Variants in ANTXR2 observed in about 807,000 individuals in gnomAD.
ANTXR2 encodes the protein ANTXR cell adhesion molecule 2.
Under a neutral mutation model 73.7 loss-of-function variants are expected in ANTXR2, and 44 were observed. That is an observed-to-expected ratio of 0.60 (90% confidence interval 0.47 to 0.77). The LOEUF is 0.77. Among genes scored for constraint, ANTXR2 ranks in the 30% least tolerant of loss-of-function variants. The pLI is 0.00. For synonymous variants in ANTXR2, 217 were observed against 205.9 expected, an observed-to-expected ratio of 1.05 and a Z score of -0.46; for missense variants, 604 against 592.5, an observed-to-expected ratio of 1.02 and a Z score of -0.20.
chr4:79,946,011 TAAA>T (rs1728501500), intron 16 of ANTXR2, among the ~76,000 whole-genome samples: 1 of 152,152 alleles, frequency 6.6e-6, no homozygotes, highest in African/African-American at 2.4e-5. Flanking sequence ...GTAAGCATGG[TAAA>T]ACTAATAATA....
chr4:79,992,655 G>T (rs1231658193), intron 12 of ANTXR2, among the ~76,000 whole-genome samples: 1 of 151,758 alleles, frequency 6.6e-6, no homozygotes, highest in Non-Finnish European at 1.5e-5. Flanking sequence ...CAAACTGCAG[G>T]TATATTTCCT....
At chr4:79,951,607 A>G (rs923683669) in intron 16 of ANTXR2, among the ~76,000 whole-genome samples, 5 of 151,902 alleles carry the variant, frequency 3.3e-5, no homozygotes, top group African/African-American at 1.2e-4. Context: ...AAAAAAAACA[A>G]CAAAAAGAAC....
intron 12 of ANTXR2, among the ~76,000 whole-genome samples, chr4:79,991,084 A>G (rs184342358): frequency 3.5e-4 from 53 of 152,308 alleles, no homozygotes; most frequent in Middle Eastern, 3.4e-3. Flanking sequence ...TGGCAGCAAA[A>G]GAAAAAATAA....
intron 11 of ANTXR2, 61 bp from the exon 12 acceptor site, chr4:80,008,677 G>C: frequency 9.5e-7 from 1 of 1,052,270 alleles, no homozygotes; most frequent in Non-Finnish European, 1.4e-6. Context: ...AATTCCAAAT[G>C]TATATATATT....
intron 1 of ANTXR2, 70 bp from the exon 2 acceptor site, chr4:80,071,724 T>A (rs1049746514): frequency 7.6e-7 from 1 of 1,314,098 alleles, no homozygotes; most frequent in Non-Finnish European, 1.1e-6. Context: ...TTGAAATGGT[T>A]CCTTCTTCAA....
intron 16 of ANTXR2, among the ~76,000 whole-genome samples, chr4:79,933,702 T>G (rs975145109): frequency 3.7e-5 from 2 of 53,686 alleles, no homozygotes; most frequent in East Asian, 5.9e-4. Context: ...CCCTCCACCC[T>G]CCCCCCACCC....
intron 3 of ANTXR2, among the ~76,000 whole-genome samples, chr4:80,062,826 A>G (rs573214077): frequency 6.6e-6 from 1 of 152,284 alleles, no homozygotes; most frequent in African/African-American, 2.4e-5. Flanking sequence ...CCCTGGCTCT[A>G]GCTGCTTAGC....
chr4:79,991,541 T>C (rs1421290850), intron 12 of ANTXR2, among the ~76,000 whole-genome samples: 1 of 152,088 alleles, frequency 6.6e-6, no homozygotes, highest in Non-Finnish European at 1.5e-5. Context: ...GGAAAGCAGT[T>C]TGAAGATTTC....
At chr4:80,050,789 C>G (rs1733737685) in intron 7 of ANTXR2, among the ~76,000 whole-genome samples, 1 of 151,612 alleles carries the variant, frequency 6.6e-6, no homozygotes, top group African/African-American at 2.4e-5. Flanking sequence ...AACACATCAT[C>G]ATCTTCCAAA....
At chr4:80,043,558 G>A (rs947939371) in intron 7 of ANTXR2, among the ~76,000 whole-genome samples, 1 of 151,914 alleles carries the variant, frequency 6.6e-6, no homozygotes, top group Non-Finnish European at 1.5e-5. Context: ...ATAAAATTTT[G>A]ATGCATTATT....
intron 7 of ANTXR2, among the ~76,000 whole-genome samples, chr4:80,045,427 G>C (rs1167263704): frequency 6.6e-6 from 1 of 151,628 alleles, no homozygotes; most frequent in South Asian, 2.1e-4. Context: ...TTTTGACACT[G>C]ATTTTGGATC....
intron 12 of ANTXR2, among the ~76,000 whole-genome samples, chr4:80,001,049 A>G (rs1450831965): frequency 6.6e-6 from 1 of 152,098 alleles, no homozygotes; most frequent in Non-Finnish European, 1.5e-5. Flanking sequence ...CTAAGATTGT[A>G]AGTAAATTCT....
At chr4:79,916,759 T>C (rs1727370103) in intron 16 of ANTXR2, among the ~76,000 whole-genome samples, 1 of 152,172 alleles carries the variant, frequency 6.6e-6, no homozygotes, top group South Asian at 2.1e-4. Context: ...TATACACCAT[T>C]GTGGAGTGAT....
chr4:79,974,357 C>T (rs771587400), intron 16 of ANTXR2, among the ~76,000 whole-genome samples: 2 of 152,012 alleles, frequency 1.3e-5, no homozygotes, highest in African/African-American at 2.4e-5. Context: ...TTAATTGAAT[C>T]GACAACTGAT....
chr4:80,049,008 G>A (rs1733647223), intron 7 of ANTXR2, among the ~76,000 whole-genome samples: 12 of 151,360 alleles, frequency 7.9e-5, no homozygotes, highest in Admixed American at 7.9e-4. Context: ...AGAAACTCTG[G>A]CATTAACTAC....
intron 12 of ANTXR2, among the ~76,000 whole-genome samples, chr4:79,985,869 T>G (rs62298610): frequency 0.095 from 13,789 of 144,624 alleles, 1,666 homozygotes; most frequent in East Asian, 0.64. Context: ...GAGACGGAGT[T>G]TCACTCTTGT....
chr4:80,003,065 A>G (rs1731127568), intron 12 of ANTXR2, among the ~76,000 whole-genome samples: 1 of 151,552 alleles, frequency 6.6e-6, no homozygotes, highest in Non-Finnish European at 1.5e-5. Flanking sequence ...TACTGGGTAT[A>G]TACCCAAAGG....
In ANTXR2 at chr4:79,937,454, T is replaced by G. The variant is rs193256201; in HGVS notation, c.1429-29987A>C. Among the ~76,000 whole-genome samples the G allele has an allele frequency of 1.8e-4, 27 of 152,352 alleles. No individual in the cohort carries two copies. In the East Asian group the frequency reaches 2.1e-3, roughly 12 times the overall value. Reference sequence around the variant, plus strand: ...TAACATACTCACAGAAAGCTTTTTATCTGCAAGTGACTTTTTGTGCCACTT... The same window carrying G: ...TAACATACTCACAGAAAGCTTTTTAGCTGCAAGTGACTTTTTGTGCCACTT... On this transcript the variant is annotated intron_variant, in intron 16 of 16. Transcript: ENST00000403729.
At chr4:80,014,392 C>A (rs1284733543) in intron 11 of ANTXR2, among the ~76,000 whole-genome samples, 1 of 151,824 alleles carries the variant, frequency 6.6e-6, no homozygotes, top group Non-Finnish European at 1.5e-5. Context: ...CGTGGTGAAA[C>A]CCCGTCTCTA....
Sources: allele counts gnomAD v4.1 joint callset (sites outside exome capture counted in the v4.1 genomes callset), GRCh38; gene constraint gnomAD v4.1.1; transcripts MANE v1.5; gene names NCBI Gene and HGNC (gene_info 2026-07-23, HGNC 2026-07-21).